PCDHA13: variants seen among roughly 807,000 people sequenced by gnomAD.
PCDHA13 encodes the protein protocadherin alpha-13.
In PCDHA13, 54 loss-of-function variants were observed where a neutral mutation model predicts 64.8. That is an observed-to-expected ratio of 0.83 (90% CI 0.67 to 1.04). PCDHA13 has a LOEUF of 1.04. Ranked by LOEUF, PCDHA13 falls within the 50% of genes least tolerant of loss-of-function variation. The probability of loss-of-function intolerance (pLI) is 0.00; values close to 1 mark genes in which losing one functional copy is unlikely to be tolerated. For synonymous variants in PCDHA13, 587 were observed against 564.4 expected (o/e 1.04, Z -0.57); for missense variants, 1,248 against 1,254.3 (o/e 0.99, Z 0.08).
intron 3 of PCDHA13, among the ~76,000 whole-genome samples, chr5:141,007,668 G>C (rs556655396): frequency 6.6e-6 from 1 of 152,262 alleles, no homozygotes; most frequent in East Asian, 1.9e-4. Context: ...AATTTACAAA[G>C]ACAAAAGTTA....
Position 140,929,454 on chromosome 5 carries a change from C to T in PCDHA13, c.2394+44792C>T, listed in dbSNP as rs2086172726. ...AACTAAACACTCCTTCTTAGCACTTCCTGTGCCAAGAAATCTGGAAGTATA... is the reference window on the plus strand; with the variant it reads ...AACTAAACACTCCTTCTTAGCACTTTCTGTGCCAAGAAATCTGGAAGTATA... On this transcript the variant is annotated intron_variant, in intron 1 of 3. Transcript: ENST00000289272. 7 of 1,355,724 alleles carry T rather than the reference C, an allele frequency of 5.2e-6. No individual in the cohort carries two copies. In the Admixed American group the frequency reaches 8.0e-5, roughly 16 times the overall value. The allele number at this position is 1,355,724 out of a possible 1,614,324, so 84.0% of individuals were successfully genotyped here. A position where few individuals can be genotyped will look rare whatever the true frequency, so the allele number is the denominator to read the frequency against.
At chr5:140,932,124 A>G (rs2088056676) in intron 1 of PCDHA13, among the ~76,000 whole-genome samples, 1 of 151,956 alleles carries the variant, frequency 6.6e-6, no homozygotes, top group Admixed American at 6.5e-5. Flanking sequence ...GATAATATTT[A>G]AGATATAAAC....
intron 1 of PCDHA13, among the ~76,000 whole-genome samples, chr5:140,935,203 A>T (rs1403808889): frequency 6.6e-6 from 1 of 152,160 alleles, no homozygotes; most frequent in African/African-American, 2.4e-5. Flanking sequence ...GTTTCTAGGT[A>T]TCTTCAGCTA....
chr5:140,912,851 A>C lies in PCDHA13; in HGVS notation c.2394+28189A>C, dbSNP rs564747882. ...TTTTATTAAATGCTTTTTCAGCATCAATTGAAATGATATATGGTTTTTGGT... is the reference window on the plus strand; with the variant it reads ...TTTTATTAAATGCTTTTTCAGCATCCATTGAAATGATATATGGTTTTTGGT... On this transcript the variant is annotated intron_variant, in intron 1 of 3. Coordinates refer to ENST00000289272, the MANE Select transcript of PCDHA13 (RefSeq NM_018904.3). Among the ~76,000 whole-genome samples, 3 of 152,328 alleles carry C rather than the reference A, an allele frequency of 2.0e-5. No individual in the cohort carries two copies. The South Asian group carries it at 6.2e-4, about 32-fold the overall frequency.
At chr5:140,973,328 C>T (rs1315251124) in intron 1 of PCDHA13, among the ~76,000 whole-genome samples, 1 of 152,114 alleles carries the variant, frequency 6.6e-6, no homozygotes, top group Non-Finnish European at 1.5e-5. Flanking sequence ...AGTTTACACT[C>T]GTTGTAAAGT....
rs1554181252 is a variant in PCDHA13, at chr5:140,884,129, C to T, written c.1861C>T (p.Pro621Ser). The change falls in exon 1 of 4, where the codon CCG (proline) becomes TCG (serine). Residue 621 changes from proline to serine, a missense_variant. Pro to Ser is a moderately conservative substitution (Grantham distance 74). Coordinates refer to ENST00000289272, the MANE Select transcript of PCDHA13 (RefSeq NM_018904.3). ...GCTGGCGGCGGTCGGCGCGCGCATC[C>T]CGTTCCGCGTGGGGCTGTACACTGG... ...LQLAAVGARI[P>S]FRVGLYTGEI... 1 of 1,613,420 alleles carries T rather than the reference C, an allele frequency of 6.2e-7. No homozygotes were observed. The highest frequency in any genetic ancestry group is 8.5e-7 in the Non-Finnish European group (1 of 1,179,736).
chr5:140,918,621 T>C (rs1162983414), intron 1 of PCDHA13, among the ~76,000 whole-genome samples: 1 of 152,228 alleles, frequency 6.6e-6, no homozygotes, highest in Non-Finnish European at 1.5e-5. Flanking sequence ...AATGTTTGTG[T>C]TCCCCAAATT....
chr5:140,944,095 A>AT (rs2093609322), intron 1 of PCDHA13, among the ~76,000 whole-genome samples: 1 of 152,250 alleles, frequency 6.6e-6, no homozygotes. Context: ...GAGTAAGTTT[A>AT]TATCTCATGG....
At chr5:140,891,838 A>G (rs1479578181) in intron 1 of PCDHA13, among the ~76,000 whole-genome samples, 1 of 152,164 alleles carries the variant, frequency 6.6e-6, no homozygotes, top group African/African-American at 2.4e-5. Context: ...AAAGGACTTG[A>G]TGGAAGGAGC....
intron 1 of PCDHA13, among the ~76,000 whole-genome samples, chr5:140,905,438 C>T (rs182288757): frequency 1.5e-4 from 23 of 152,228 alleles, no homozygotes; most frequent in Non-Finnish European, 2.4e-4. Flanking sequence ...TAACTACAGC[C>T]TTTTAGTATA....
chr5:141,009,315 C>G (rs1292643535), intron 3 of PCDHA13, among the ~76,000 whole-genome samples: 2 of 152,132 alleles, frequency 1.3e-5, no homozygotes, highest in Admixed American at 6.6e-5. Context: ...AAAAGCTAGC[C>G]TGGCATGGGA....
intron 1 of PCDHA13, among the ~76,000 whole-genome samples, chr5:140,973,587 C>T (rs2096594455): frequency 6.6e-6 from 1 of 152,194 alleles, no homozygotes; most frequent in African/African-American, 2.4e-5. Flanking sequence ...ACTGCTGAGC[C>T]AGATGGAATT....
intron 1 of PCDHA13, chr5:140,927,761 G>C (rs1554205028): frequency 6.2e-7 from 1 of 1,614,102 alleles, no homozygotes. Flanking sequence ...CACCCTAAAA[G>C]TGGGGAGGTG....
intron 1 of PCDHA13, chr5:140,966,733 C>T: frequency 7.1e-7 from 1 of 1,416,484 alleles, no homozygotes; most frequent in Non-Finnish European, 9.2e-7. Context: ...CCGCCTCCGG[C>T]CCTGCCCGGC....
rs368758287 is a variant in PCDHA13 at position 140,883,621 on chromosome 5, C to T, written c.1353C>T (p.Asn451=). Residue 451 remains asparagine, a synonymous_variant, in exon 1 of 4, where the codon AAC becomes AAT. Transcript: ENST00000289272. ...TGGGGGTGGCCGACGTGAACGACAA[C>T]GCGCCGGCGTTCGCGCAGCCCGAGT... ...VSVGVADVND[N]APAFAQPEYT... 80 of 1,613,850 alleles carry T rather than the reference C, an allele frequency of 5.0e-5. No individual in the cohort carries two copies. Among genetic ancestry groups the T allele is most frequent in the Non-Finnish European group, 6.4e-5 (75 of 1,179,904 alleles).
Position 140,884,120 on chromosome 5 carries a change from G to C in PCDHA13, c.1852G>C (p.Ala618Pro). Residue 618 changes from alanine (A) to proline (P), a missense_variant, in exon 1 of 4, where the codon GCG becomes CCG. By Grantham distance (27) the Ala-to-Pro change is conservative. Transcript: ENST00000289272. ...TGAATTGCAGCTGGCGGCGGTCGGC[G>C]CGCGCATCCCGTTCCGCGTGGGGCT... is the stretch of plus-strand genomic sequence containing the variant. ...SYELQLAAVG[A>P]RIPFRVGLYT... The C allele has an allele frequency of 1.2e-6, 2 of 1,613,324 alleles. No homozygotes were observed. The highest frequency in any genetic ancestry group is 2.2e-5 in the South Asian group (2 of 91,054).
intron 1 of PCDHA13, among the ~76,000 whole-genome samples, chr5:140,905,531 C>T (rs2071895291): frequency 6.6e-6 from 1 of 151,776 alleles, no homozygotes; most frequent in African/African-American, 2.4e-5. Context: ...TTTTTTGGTT[C>T]CATATGAACT....
rs782776341 is a variant in PCDHA13 at position 140,884,056 on chromosome 5, G to A, written c.1788G>A (p.Ala596=). The change falls in exon 1 of 4, where the codon GCG becomes GCA. Residue 596 remains alanine, a synonymous_variant. Coordinates refer to ENST00000289272, the MANE Select transcript of PCDHA13 (RefSeq NM_018904.3). ...GCCACGTGGTGGCGAAGGTGCGCGC[G>A]GTGGACGCCGATTCGGGCTACAATG... The part of the protein sequence containing the change: ...GAGHVVAKVR[A]VDADSGYNAW... 3.1e-6 allele frequency: 5 copies of A among 1,613,476 alleles called. No homozygotes were observed. In the South Asian group the frequency reaches 4.4e-5, roughly 14 times the overall value.
intron 1 of PCDHA13, among the ~76,000 whole-genome samples, chr5:140,917,252 C>T (rs536856521): frequency 3.2e-4 from 47 of 149,018 alleles, no homozygotes; most frequent in Non-Finnish European, 4.9e-4. Flanking sequence ...TACGATTGCT[C>T]ACCTGATGTT....
Sources: gnomAD v4.1 joint callset for allele counts (sites outside exome capture counted in the v4.1 genomes callset) on GRCh38, gnomAD v4.1.1 for gene constraint, MANE v1.5 for transcripts, NCBI Gene and HGNC (gene_info 2026-07-23, HGNC 2026-07-21) for gene names.